The following DCAF6 variants were observed in gnomAD, a reference collection of about 807,000 sequenced individuals.
DCAF6 encodes DDB1- and CUL4-associated factor 6.
DCAF6 carries 54 observed loss-of-function variants against 125.1 expected under a neutral mutation model. The observed-to-expected ratio is 0.43, with a 90% CI of 0.35 to 0.54. The LOEUF (loss-of-function observed/expected upper bound fraction) is 0.54, where lower values mean the gene tolerates loss of function less well. Ranked by LOEUF, DCAF6 falls within the 20% of genes least tolerant of loss-of-function variation. DCAF6 has a pLI of 0.01. For synonymous variants in DCAF6, 371 were observed against 390.4 expected, an observed-to-expected ratio of 0.95 and a Z score of 0.58; for missense variants, 934 against 1,161.7, an observed-to-expected ratio of 0.80 and a Z score of 2.85.
At chr1:168,019,267 CTT>C (rs1400992969) in intron 11 of DCAF6, among the ~76,000 whole-genome samples, 1 of 152,094 alleles carries the variant, frequency 6.6e-6, no homozygotes, top group Non-Finnish European at 1.5e-5. Flanking sequence ...CCAGGATGGT[CTT>C]GATCTCCTGA....
Position 168,075,801 on chromosome 1 carries a change from T to C in DCAF6, c.*366T>C, listed in dbSNP as rs1693728524. The C allele has an allele frequency of 5.7e-6, 1 of 174,600 alleles. No homozygotes were observed. Among genetic ancestry groups the C allele is most frequent in the Non-Finnish European group, 1.2e-5 (1 of 83,090 alleles). The allele number at this position is 174,600 out of a possible 1,614,324, so 10.8% of individuals were successfully genotyped here. On this transcript the variant is annotated 3_prime_UTR_variant, in exon 22 of 22. Coordinates refer to ENST00000367840, the MANE Select transcript of DCAF6 (RefSeq NM_001198956.2). ...CTACACTTGCCATTTGCATGTTTGT[T>C]GCTTTCTAATTAAAGAAACTGGTTG...
chr1:167,922,099 C>A, the DCAF6 span, among the ~76,000 whole-genome samples: 1 of 152,082 alleles, frequency 6.6e-6, no homozygotes, highest in African/African-American at 2.4e-5. Flanking sequence ...GATTAATTAT[C>A]AAATACTCTG....
chr1:167,914,517 G>T, the DCAF6 span, among the ~76,000 whole-genome samples: 11 of 152,302 alleles, frequency 7.2e-5, no homozygotes, highest in African/African-American at 2.4e-4. Context: ...CTTACCTTCA[G>T]ATATATTTGT....
chr1:167,989,621 G>A (rs180989714), intron 5 of DCAF6, among the ~76,000 whole-genome samples: 7 of 152,294 alleles, frequency 4.6e-5, no homozygotes, highest in East Asian at 3.9e-4. Context: ...GGTGGCTCAC[G>A]CCTGTAATCC....
chr1:168,012,381 T>G (rs1048484294), intron 10 of DCAF6, among the ~76,000 whole-genome samples: 11 of 152,218 alleles, frequency 7.2e-5, no homozygotes, highest in South Asian at 4.1e-4. Flanking sequence ...GTTTGTAGTT[T>G]GAGGAGATGA....
intron 12 of DCAF6, 48 bp downstream of exon 12, chr1:168,023,095 T>C: frequency 6.4e-7 from 1 of 1,554,942 alleles, no homozygotes; most frequent in Non-Finnish European, 8.9e-7. Flanking sequence ...ATAGCTTTAT[T>C]GCAATGCATA....
chr1:168,063,424 A>G (rs1402588233), intron 17 of DCAF6, among the ~76,000 whole-genome samples, 197 bp from the exon 18 acceptor site: 2 of 152,156 alleles, frequency 1.3e-5, no homozygotes, highest in Admixed American at 6.5e-5. Flanking sequence ...TCTCTTAACT[A>G]AAATACTTTG....
chr1:168,010,845 G>A (rs920715067), intron 10 of DCAF6, among the ~76,000 whole-genome samples: 11 of 151,986 alleles, frequency 7.2e-5, no homozygotes, highest in African/African-American at 2.7e-4. Flanking sequence ...TTTAGTTCAT[G>A]ATTTGTAAAT....
the DCAF6 span, among the ~76,000 whole-genome samples, chr1:167,868,405 C>T: frequency 2.6e-5 from 4 of 152,130 alleles, 1 homozygote; most frequent in Admixed American, 2.6e-4. Context: ...ATTCACTCAT[C>T]CTGTAGGATG....
chr1:168,044,619 A>G lies in DCAF6; in HGVS notation c.1878A>G (p.Lys626=), dbSNP rs764730608. 9 of 1,613,320 alleles carry G rather than the reference A, an allele frequency of 5.6e-6. No homozygotes were observed. The Admixed American group carries it at 1.5e-4, about 27-fold the overall frequency. The change falls in exon 15 of 22, where the codon AAA becomes AAG. Residue 626 remains lysine (K), a synonymous_variant. Transcript: ENST00000367840. ...APEESSEDVT[K]YQEGVSAENP... ...AAGAATCATCAGAGGATGTGACAAA[A>G]TATCAGGAAGGAGTATCTGCAGAAA... is the stretch of plus-strand genomic sequence containing the variant.
chr1:167,925,448 TATATATATATATATATATATATATATAC>T, the DCAF6 span, among the ~76,000 whole-genome samples: 11 of 103,250 alleles, frequency 1.1e-4, no homozygotes, highest in Non-Finnish European at 1.9e-4. Flanking sequence ...TACACATATA[TATATATATATATATATATATATATATAC>T]ATATACATAT....
At chr1:167,866,750 TAA>T in the DCAF6 span, among the ~76,000 whole-genome samples, 30 of 123,016 alleles carry the variant, frequency 2.4e-4, no homozygotes, top group Non-Finnish European at 2.3e-4. Context: ...AAAGTTCACT[TAA>T]AAAAAAAAAA....
At chr1:168,011,185 C>T (rs748608605) in intron 10 of DCAF6, among the ~76,000 whole-genome samples, 7 of 146,666 alleles carry the variant, frequency 4.8e-5, no homozygotes, top group Non-Finnish European at 8.9e-5. Flanking sequence ...GGCGCGACCT[C>T]GGCTCACTGC....
upstream of DCAF6, among the ~76,000 whole-genome samples, chr1:167,931,550 A>T (rs1238603545): frequency 6.6e-6 from 1 of 151,892 alleles, no homozygotes; most frequent in East Asian, 1.9e-4. Context: ...TATACACTTA[A>T]GAATATATAT....
At chr1:167,887,463 C>T in the DCAF6 span, among the ~76,000 whole-genome samples, 305 of 152,248 alleles carry the variant, frequency 2.0e-3, no homozygotes, top group African/African-American at 6.9e-3. Flanking sequence ...CCAAACACCA[C>T]ATGTTCTCAC....
chr1:167,870,521 T>G, the DCAF6 span: 1 of 949,126 alleles, frequency 1.1e-6, no homozygotes, highest in Non-Finnish European at 1.6e-6. Flanking sequence ...GGCCAGGCGC[T>G]GTGGCTCACT....
intron 2 of DCAF6, among the ~76,000 whole-genome samples, chr1:167,956,052 C>A (rs116549253): frequency 6.6e-6 from 1 of 152,130 alleles, no homozygotes; most frequent in Non-Finnish European, 1.5e-5. Flanking sequence ...AGGTATGAGC[C>A]GCTGTGCTTA....
intron 2 of DCAF6, among the ~76,000 whole-genome samples, chr1:167,957,760 G>C (rs765230471): frequency 2.1e-4 from 32 of 152,012 alleles, no homozygotes; most frequent in Non-Finnish European, 4.4e-4. Context: ...AACATACAGG[G>C]TTCCAGTTTC....
intron 13 of DCAF6, among the ~76,000 whole-genome samples, chr1:168,040,001 T>C (rs1572054798): frequency 6.6e-6 from 1 of 151,766 alleles, no homozygotes; most frequent in African/African-American, 2.4e-5. Flanking sequence ...ACATTCTAGA[T>C]GGAGGAAGTT....
Sources: gnomAD v4.1 joint callset for allele counts (sites outside exome capture counted in the v4.1 genomes callset) on GRCh38, gnomAD v4.1.1 for gene constraint, MANE v1.5 for transcripts, NCBI Gene and HGNC (gene_info 2026-07-23, HGNC 2026-07-21) for gene names.